Variants in HSD17B12 observed in about 807,000 individuals in gnomAD.
HSD17B12 encodes hydroxysteroid 17-beta dehydrogenase 12, also known as very-long-chain 3-oxoacyl-CoA reductase.
Under a neutral mutation model 39.3 loss-of-function variants are expected in HSD17B12, and 32 were observed. The ratio of observed to expected loss-of-function variants is 0.81; its 90% CI spans 0.61 to 1.09. The LOEUF is 1.09. Ranked by LOEUF, HSD17B12 falls within the 50% of genes least tolerant of loss-of-function variation. HSD17B12 has a pLI of 0.00. For synonymous variants in HSD17B12, 150 were observed against 146.7 expected, an observed-to-expected ratio of 1.02 and a Z score of -0.16; for missense variants, 342 against 382.9, an observed-to-expected ratio of 0.89 and a Z score of 0.89.
Position 43,854,841 on chromosome 11 carries a change from GGATACCT to G in HSD17B12, c.815_821del (p.Tyr272SerfsTer8). ...AGTCGGCCTGCAATCCCGAACCAATGGATACCTGATCCATGCTCTTATGGTAGGTAGA... is the reference window on the plus strand; with the variant it reads ...AGTCGGCCTGCAATCCCGAACCAATGGATCCATGCTCTTATGGTAGGTAGA... On this transcript the variant is annotated frameshift_variant, in exon 10 of 11. Transcript: ENST00000278353. LOFTEE classifies it low-confidence loss of function (END_TRUNC). 6.2e-7 allele frequency: 1 copy of G among 1,614,132 alleles called. No homozygotes were observed. Among genetic ancestry groups the G allele is most frequent in the East Asian group, 2.2e-5 (1 of 44,890 alleles).
intron 1 of HSD17B12, among the ~76,000 whole-genome samples, chr11:43,731,828 G>T (rs1362352022): frequency 3.3e-5 from 5 of 152,102 alleles, no homozygotes; most frequent in African/African-American, 1.2e-4. Context: ...GTGCAATTGA[G>T]CTTCAGACCT....
At chr11:43,686,168 A>T (rs2134767902) in intron 1 of HSD17B12, among the ~76,000 whole-genome samples, 1 of 152,314 alleles carries the variant, frequency 6.6e-6, no homozygotes, top group African/African-American at 2.4e-5. Context: ...TGCTGTTGAC[A>T]TTCTAGTATT....
intron 3 of HSD17B12, among the ~76,000 whole-genome samples, chr11:43,780,960 G>A (rs1950759618): frequency 6.6e-6 from 1 of 152,104 alleles, no homozygotes; most frequent in Non-Finnish European, 1.5e-5. Flanking sequence ...GCATGAGAAG[G>A]AATCCCAGAA....
At chr11:43,596,446 C>A in the HSD17B12 span, among the ~76,000 whole-genome samples, 1 of 151,866 alleles carries the variant, frequency 6.6e-6, no homozygotes, top group Non-Finnish European at 1.5e-5. Context: ...TTCTCTTTTG[C>A]TTTTGAGACA....
chr11:43,764,788 A>G (rs1590279885), intron 3 of HSD17B12, among the ~76,000 whole-genome samples: 1 of 152,082 alleles, frequency 6.6e-6, no homozygotes, highest in African/African-American at 2.4e-5. Flanking sequence ...CCTTTAATCT[A>G]TAAGTGCTTT....
intron 1 of HSD17B12, chr11:43,733,852 G>T (rs1950291176): frequency 1.5e-6 from 1 of 677,932 alleles, no homozygotes; most frequent in Non-Finnish European, 2.7e-6. Context: ...TAATGTGGAT[G>T]CTGGGCACAG....
chr11:43,585,114 G>A, the HSD17B12 span, among the ~76,000 whole-genome samples: 1 of 152,212 alleles, frequency 6.6e-6, no homozygotes, highest in African/African-American at 2.4e-5. Context: ...GACACCAAAC[G>A]TTGTTATGTC....
chr11:43,667,017 C>T, the HSD17B12 span, among the ~76,000 whole-genome samples: 1 of 152,178 alleles, frequency 6.6e-6, no homozygotes, highest in East Asian at 1.9e-4. Context: ...ATAGGTGAGG[C>T]AACAAAGCCA....
the HSD17B12 span, among the ~76,000 whole-genome samples, chr11:43,597,626 G>A: frequency 2.6e-5 from 4 of 152,014 alleles, no homozygotes; most frequent in East Asian, 3.9e-4. Context: ...CTGCTTTTTC[G>A]TTTGTTTGGT....
the HSD17B12 span, among the ~76,000 whole-genome samples, chr11:43,641,402 T>G: frequency 6.6e-6 from 1 of 151,964 alleles, no homozygotes; most frequent in Non-Finnish European, 1.5e-5. Flanking sequence ...CAAGAGAATT[T>G]TCAGACATCT....
chr11:43,690,365 T>C (rs189071205), intron 1 of HSD17B12, among the ~76,000 whole-genome samples: 75 of 13,980 alleles, frequency 5.4e-3, no homozygotes, highest in African/African-American at 0.026. Flanking sequence ...TTCATACATA[T>C]ATATATATAT....
intron 3 of HSD17B12, among the ~76,000 whole-genome samples, chr11:43,777,613 A>G (rs370993917): frequency 2.6e-5 from 4 of 152,108 alleles, no homozygotes; most frequent in East Asian, 3.9e-4. Flanking sequence ...TCTCCTGCCT[A>G]ATTGCCCTGG....
chr11:43,586,017 A>G, the HSD17B12 span, among the ~76,000 whole-genome samples: 1 of 152,200 alleles, frequency 6.6e-6, no homozygotes, highest in Non-Finnish European at 1.5e-5. Flanking sequence ...TTATAAATCA[A>G]ACAGGTTCAG....
chr11:43,797,515 TA>T (rs1251263553), intron 3 of HSD17B12, among the ~76,000 whole-genome samples: 1 of 152,210 alleles, frequency 6.6e-6, no homozygotes, highest in Non-Finnish European at 1.5e-5. Flanking sequence ...GTGACTTGCT[TA>T]AAGTCATTTT....
chr11:43,729,090 C>A (rs1950246337), intron 1 of HSD17B12, among the ~76,000 whole-genome samples: 1 of 152,122 alleles, frequency 6.6e-6, no homozygotes, highest in Non-Finnish European at 1.5e-5. Context: ...ATACCAGCAT[C>A]TTAAAGGTCT....
chr11:43,815,196 A>G (rs528227309), intron 4 of HSD17B12, among the ~76,000 whole-genome samples: 6 of 152,330 alleles, frequency 3.9e-5, no homozygotes, highest in Admixed American at 1.3e-4. Flanking sequence ...AGAGGCAAGT[A>G]TAAGTTCTGT....
the HSD17B12 span, among the ~76,000 whole-genome samples, chr11:43,612,147 A>T: frequency 6.6e-6 from 1 of 152,164 alleles, no homozygotes; most frequent in Non-Finnish European, 1.5e-5. Context: ...TTTGGTATCA[A>T]ATGATGTAAT....
At chr11:43,798,677 T>C (rs1243675770) in intron 4 of HSD17B12, among the ~76,000 whole-genome samples, 2 of 152,184 alleles carry the variant, frequency 1.3e-5, no homozygotes, top group African/African-American at 4.8e-5. Flanking sequence ...TATTTAGATA[T>C]ACAGTTGTCC....
intron 1 of HSD17B12, among the ~76,000 whole-genome samples, chr11:43,690,875 A>G (rs1014569564): frequency 1.3e-5 from 2 of 152,148 alleles, no homozygotes; most frequent in African/African-American, 4.8e-5. Flanking sequence ...TGTGTGGAAT[A>G]CTTAGACTAC....
Sources: gnomAD v4.1 joint callset for allele counts (sites outside exome capture counted in the v4.1 genomes callset) on GRCh38, gnomAD v4.1.1 for gene constraint, MANE v1.5 for transcripts, NCBI Gene and HGNC (gene_info 2026-07-23, HGNC 2026-07-21) for gene names.